Variants in HNMT observed in about 807,000 individuals in gnomAD.
The protein encoded by HNMT is histamine N-methyltransferase.
In HNMT, 30 loss-of-function variants were observed where a neutral mutation model predicts 32.1. The ratio of observed to expected loss-of-function variants is 0.93; its 90% CI spans 0.70 to 1.27. The LOEUF is 1.27. Ranked by LOEUF, HNMT falls within the 50% of genes most tolerant of loss-of-function variation. The pLI, the probability that HNMT is intolerant of heterozygous loss-of-function variation, is 0.00. For synonymous variants in HNMT, 125 were observed against 119.0 expected (o/e 1.05, Z -0.33); for missense variants, 327 against 346.0 (o/e 0.95, Z 0.43).
At chr2:137,975,033 C>T (rs1327517898) in intron 2 of HNMT, among the ~76,000 whole-genome samples, 2 of 152,150 alleles carry the variant, frequency 1.3e-5, no homozygotes, top group African/African-American at 4.8e-5. Flanking sequence ...CAGAAGAAAA[C>T]CCAGATCTCT....
chr2:137,978,082 G>A (rs1680340803), intron 2 of HNMT, among the ~76,000 whole-genome samples: 1 of 151,852 alleles, frequency 6.6e-6, no homozygotes, highest in African/African-American at 2.4e-5. Context: ...GTTTATCACT[G>A]TTTTTAAAAA....
At chr2:138,007,150 G>A (rs1251481525) in intron 5 of HNMT, among the ~76,000 whole-genome samples, 2 of 151,836 alleles carry the variant, frequency 1.3e-5, no homozygotes, top group Non-Finnish European at 2.9e-5. Context: ...CTTCTTCTGA[G>A]AAGAGATTTA....
At chr2:137,987,456 T>C (rs1176945427) in intron 2 of HNMT, among the ~76,000 whole-genome samples, 1 of 152,186 alleles carries the variant, frequency 6.6e-6, no homozygotes, top group Non-Finnish European at 1.5e-5. Flanking sequence ...AAGTCTAGTT[T>C]ACTTTCTGCC....
At chr2:137,998,678 G>T (rs2104970978) in intron 2 of HNMT, among the ~76,000 whole-genome samples, 1 of 152,214 alleles carries the variant, frequency 6.6e-6, no homozygotes, top group Admixed American at 6.5e-5. Context: ...CAGGGAGAGG[G>T]ACTGCCTGGC....
At chr2:137,993,487 G>T (rs1341603355) in intron 2 of HNMT, among the ~76,000 whole-genome samples, 2 of 152,030 alleles carry the variant, frequency 1.3e-5, no homozygotes, top group East Asian at 3.9e-4. Flanking sequence ...AAAAAAGAAT[G>T]AAAAGGAATG....
chr2:137,988,115 A>G (rs1327706192), intron 2 of HNMT, among the ~76,000 whole-genome samples: 1 of 152,166 alleles, frequency 6.6e-6, no homozygotes, highest in Non-Finnish European at 1.5e-5. Context: ...AGAATATAAA[A>G]CTGTGAGTGA....
chr2:137,989,438 A>G (rs928762553), intron 2 of HNMT, among the ~76,000 whole-genome samples: 9 of 152,128 alleles, frequency 5.9e-5, no homozygotes, highest in South Asian at 2.1e-4. Flanking sequence ...ATGATATTCT[A>G]TTGTCTGCAT....
At chr2:137,970,938 AAAGAAAGAAAG>A (rs1558951031) in intron 2 of HNMT, among the ~76,000 whole-genome samples, 3,596 of 10,182 alleles carry the variant, frequency 0.35, 538 homozygotes, top group Middle Eastern at 0.5. Flanking sequence ...AAAAAAAAAG[AAAGAAAGAAAG>A]AAAGAAAGAA....
At chr2:137,973,323 A>T (rs1680190242) in intron 2 of HNMT, among the ~76,000 whole-genome samples, 1 of 152,164 alleles carries the variant, frequency 6.6e-6, no homozygotes, top group East Asian at 1.9e-4. Context: ...TTATGGCCTG[A>T]CTACAAGCAT....
At chr2:138,002,835 G>T (rs1412020099) in intron 4 of HNMT, 2 of 929,192 alleles carry the variant, frequency 2.2e-6, no homozygotes, top group African/African-American at 3.6e-5. Flanking sequence ...CTAATGGTTT[G>T]GGTGGACCAA....
intron 2 of HNMT, among the ~76,000 whole-genome samples, chr2:137,992,772 G>A (rs938280982): frequency 1.3e-5 from 2 of 152,186 alleles, no homozygotes; most frequent in Non-Finnish European, 2.9e-5. Context: ...CTATACAGGA[G>A]TGCTCCTACT....
intron 2 of HNMT, among the ~76,000 whole-genome samples, chr2:137,976,093 C>A (rs1389611468): frequency 6.6e-6 from 1 of 151,856 alleles, no homozygotes; most frequent in African/African-American, 2.4e-5. Context: ...ATAGTGAAAC[C>A]CGGCTTTTCT....
At chr2:138,007,589 T>G (rs1681367597) in intron 5 of HNMT, among the ~76,000 whole-genome samples, 1 of 151,998 alleles carries the variant, frequency 6.6e-6, no homozygotes, top group Non-Finnish European at 1.5e-5. Context: ...CCTTTACTCC[T>G]GAGGGTTCCT....
In HNMT at chr2:138,000,943, C is replaced by A; in HGVS notation, c.216C>A (p.Ser72=). ...GAGEIDLQIL[S]KVQAQYPGVC... ...GTGAAATTGATCTTCAAATTCTCTC[C>A]AAAGTTCAGGCTCAATACCCAGGAG... Residue 72 remains serine, a synonymous_variant, in exon 3 of 6, where the codon TCC becomes TCA. Transcript: ENST00000280097. 6.2e-7 allele frequency: 1 copy of A among 1,604,406 alleles called. No homozygotes were observed. Among genetic ancestry groups the A allele is most frequent in the Non-Finnish European group, 8.5e-7 (1 of 1,174,924 alleles).
chr2:137,999,527 T>A (rs1681096328), intron 2 of HNMT, among the ~76,000 whole-genome samples: 1 of 152,196 alleles, frequency 6.6e-6, no homozygotes, highest in Non-Finnish European at 1.5e-5. Context: ...ATCTTCCTCA[T>A]CTCTTTCCTT....
chr2:138,003,726 A>G (rs1681251205), intron 4 of HNMT, among the ~76,000 whole-genome samples: 1 of 152,044 alleles, frequency 6.6e-6, no homozygotes, highest in Non-Finnish European at 1.5e-5. Context: ...GAAAATAGAA[A>G]CTGCCAGATA....
intron 2 of HNMT, among the ~76,000 whole-genome samples, chr2:137,995,024 G>C (rs1050418937): frequency 6.6e-6 from 1 of 152,148 alleles, no homozygotes; most frequent in Non-Finnish European, 1.5e-5. Context: ...GCAGTGTTAA[G>C]AGGGAAATTT....
At chr2:138,002,313 T>C in intron 4 of HNMT, 119 bp downstream of exon 4, 1 of 1,117,168 alleles carries the variant, frequency 9.0e-7, no homozygotes, top group South Asian at 3.7e-5. Flanking sequence ...TTTCTAATTT[T>C]ACAAGTGACC....
rs1325703881 is a variant in HNMT, at chr2:138,014,284, C to T, written c.*154C>T. ...AAATTCCAATACATTATTGGACTTC[C>T]ATTTGGAATCATATGGGATACTGCT... is the stretch of plus-strand genomic sequence containing the variant. On this transcript the variant is annotated 3_prime_UTR_variant, in exon 6 of 6. Transcript: ENST00000280097. The T allele has an allele frequency of 5.1e-6, 3 of 591,790 alleles. No homozygotes were observed. Among genetic ancestry groups the T allele is most frequent in the Admixed American group, 3.0e-5 (1 of 33,106 alleles). 36.7% of individuals were successfully genotyped at this position (591,790 alleles called of 1,614,324 possible).
Sources: allele counts gnomAD v4.1 joint callset (sites outside exome capture counted in the v4.1 genomes callset), GRCh38; gene constraint gnomAD v4.1.1; transcripts MANE v1.5; gene names NCBI Gene and HGNC (gene_info 2026-07-23, HGNC 2026-07-21).